RHBDD1: variants seen among roughly 807,000 people sequenced by gnomAD.
RHBDD1 encodes rhomboid domain containing 1.
Under a neutral mutation model 36.3 loss-of-function variants are expected in RHBDD1, and 38 were observed. That is an observed-to-expected ratio of 1.05 (90% CI 0.81 to 1.37). RHBDD1 has a LOEUF of 1.37. Ranked by LOEUF, RHBDD1 falls within the 40% of genes most tolerant of loss-of-function variation. The pLI is 0.00. For missense variants in RHBDD1, 393 were observed against 377.6 expected (o/e 1.04, Z -0.34); for synonymous variants, 151 against 136.5 (o/e 1.11, Z -0.74).
chr2:226,826,837 T>A, the RHBDD1 span, among the ~76,000 whole-genome samples: 2 of 151,986 alleles, frequency 1.3e-5, no homozygotes, highest in Admixed American at 6.6e-5. Flanking sequence ...TTCTTAATTG[T>A]ACATTCTTCT....
At chr2:226,928,543 C>G (rs1352039860) in intron 8 of RHBDD1, among the ~76,000 whole-genome samples, 1 of 151,966 alleles carries the variant, frequency 6.6e-6, no homozygotes, top group Non-Finnish European at 1.5e-5. Context: ...ATGCCTACAT[C>G]AGAAAGTCTG....
intron 3 of RHBDD1, among the ~76,000 whole-genome samples, chr2:226,842,126 C>G (rs1272209729): frequency 6.6e-6 from 1 of 152,030 alleles, no homozygotes; most frequent in African/African-American, 2.4e-5. Flanking sequence ...TGTCCTTTGC[C>G]CACTTTTTAA....
chr2:226,861,571 A>G (rs1943857923), intron 3 of RHBDD1, among the ~76,000 whole-genome samples: 1 of 152,260 alleles, frequency 6.6e-6, no homozygotes, highest in Non-Finnish European at 1.5e-5. Flanking sequence ...CATAAAGCCC[A>G]GCATCATAAG....
chr2:226,909,528 G>A (rs10204368), intron 7 of RHBDD1, among the ~76,000 whole-genome samples: 4 of 151,830 alleles, frequency 2.6e-5, no homozygotes, highest in East Asian at 1.9e-4. Flanking sequence ...GAATGTGCCC[G>A]TCCCCAAATT....
intron 8 of RHBDD1, among the ~76,000 whole-genome samples, chr2:226,977,192 G>A (rs561406316): frequency 3.3e-4 from 50 of 152,168 alleles, no homozygotes; most frequent in Non-Finnish European, 5.6e-4. Context: ...TGGATGTCTC[G>A]CGTCTCTGGT....
intron 5 of RHBDD1, among the ~76,000 whole-genome samples, chr2:226,901,593 T>C (rs990541270): frequency 2.0e-5 from 3 of 152,302 alleles, no homozygotes; most frequent in Admixed American, 2.0e-4. Context: ...TGAGGTGATA[T>C]CTCATTGTGG....
the RHBDD1 span, chr2:226,804,194 C>T: frequency 1.3e-5 from 2 of 152,220 alleles, no homozygotes; most frequent in Admixed American, 6.5e-5. Context: ...TATTATCAAA[C>T]AGTTGTGTTA....
intron 5 of RHBDD1, among the ~76,000 whole-genome samples, chr2:226,873,166 C>T (rs983850611): frequency 2.0e-5 from 3 of 152,172 alleles, no homozygotes; most frequent in Admixed American, 6.5e-5. Context: ...TACAAATGCA[C>T]AGTGGGCATT....
chr2:226,864,472 A>G, intron 3 of RHBDD1, 132 bp from the exon 4 acceptor site: 1 of 544,510 alleles, frequency 1.8e-6, no homozygotes, highest in East Asian at 3.0e-5. Context: ...ACTCTTGAAG[A>G]TGTCGAACAT....
the RHBDD1 span, among the ~76,000 whole-genome samples, chr2:226,814,640 T>C: frequency 6.6e-6 from 1 of 152,046 alleles, no homozygotes; most frequent in Non-Finnish European, 1.5e-5. Context: ...AAAAAGCAGG[T>C]GCAGAAAACA....
intron 8 of RHBDD1, among the ~76,000 whole-genome samples, chr2:226,954,392 C>T (rs1180120691): frequency 6.6e-6 from 1 of 152,114 alleles, no homozygotes; most frequent in East Asian, 1.9e-4. Context: ...TTTAAGAACC[C>T]ATGATTTAAT....
rs187534311 is a variant in RHBDD1 at position 226,947,107 on chromosome 2, T to C, written c.856+32756T>C. On this transcript the variant is annotated intron_variant, in intron 8 of 8. Transcript: ENST00000392062. The stretch of plus-strand genomic sequence containing the variant: ...GCTGTGCAGAAGCTCTTTAGTTTAA[T>C]TAGATCCCATTTGTCAATTTTGTCT... 2.0e-5 allele frequency among the ~76,000 whole-genome samples: 3 copies of C among 152,234 alleles called. No individual in the cohort carries two copies. In the East Asian group the frequency reaches 5.8e-4, roughly 29 times the overall value.
the RHBDD1 span, among the ~76,000 whole-genome samples, chr2:226,828,999 T>C: frequency 0.19 from 28,326 of 151,724 alleles, 4,305 homozygotes; most frequent in African/African-American, 0.42. Context: ...TCTTTTGTGA[T>C]TTTTTCTAGA....
At chr2:226,914,809 G>A (rs1445809578) in intron 8 of RHBDD1, among the ~76,000 whole-genome samples, 1 of 152,112 alleles carries the variant, frequency 6.6e-6, no homozygotes, top group African/African-American at 2.4e-5. Context: ...ATCTGTCTGG[G>A]GGTAGAGCCT....
intron 3 of RHBDD1, among the ~76,000 whole-genome samples, chr2:226,860,865 A>G (rs1342663873): frequency 1.3e-5 from 2 of 152,134 alleles, no homozygotes; most frequent in Non-Finnish European, 2.9e-5. Context: ...AAGCCACACA[A>G]TTTTACTTCT....
rs1410452755 is a variant in RHBDD1, at chr2:226,895,818, A to T, written c.567-10975A>T. 5.1e-6 allele frequency: 5 copies of T among 985,212 alleles called. No homozygotes were observed. The East Asian group carries it at 5.7e-4, about 112-fold the overall frequency. 61.0% of individuals were successfully genotyped at this position (985,212 alleles called of 1,614,324 possible). Reference sequence around the variant, plus strand: ...AACTCACCCCAGCAACAGCAAAACTATTTAGGCTTATCCACCACATTGATG... The same window carrying T: ...AACTCACCCCAGCAACAGCAAAACTTTTTAGGCTTATCCACCACATTGATG... On this transcript the variant is annotated intron_variant, in intron 5 of 8. Transcript: ENST00000392062.
At chr2:226,827,526 C>T in the RHBDD1 span, among the ~76,000 whole-genome samples, 28 of 152,286 alleles carry the variant, frequency 1.8e-4, 1 homozygote, top group Admixed American at 7.9e-4. Flanking sequence ...GTTCTCACTT[C>T]GCCTTTTTGT....
At chr2:226,825,621 A>G in the RHBDD1 span, among the ~76,000 whole-genome samples, 2 of 152,242 alleles carry the variant, frequency 1.3e-5, no homozygotes, top group East Asian at 3.8e-4. Flanking sequence ...GATAGTTTAG[A>G]TAGTTAATAA....
At chr2:226,991,465 C>T (rs1218761478) in intron 8 of RHBDD1, among the ~76,000 whole-genome samples, 2 of 152,220 alleles carry the variant, frequency 1.3e-5, no homozygotes, top group Non-Finnish European at 2.9e-5. Flanking sequence ...CAGGCATGAG[C>T]CACCATGCCC....
Sources: allele counts gnomAD v4.1 joint callset (sites outside exome capture counted in the v4.1 genomes callset), GRCh38; gene constraint gnomAD v4.1.1; transcripts MANE v1.5; gene names NCBI Gene and HGNC (gene_info 2026-07-23, HGNC 2026-07-21).